Variants in CCM2 observed in about 807,000 individuals in gnomAD.
CCM2 encodes CCM2 scaffold protein.
CCM2 carries 25 observed loss-of-function variants against 44.9 expected under a neutral mutation model. That is an observed-to-expected ratio of 0.56 (90% CI 0.41 to 0.78). The LOEUF (loss-of-function observed/expected upper bound fraction) is 0.78, where lower values mean the gene tolerates loss of function less well. CCM2 is among the 30% of genes least tolerant of loss of function. The pLI is 0.00. For missense variants in CCM2, 481 were observed against 580.6 expected, an observed-to-expected ratio of 0.83 and a Z score of 1.76; for synonymous variants, 219 against 241.1, an observed-to-expected ratio of 0.91 and a Z score of 0.85.
chr7:45,071,891 T>C, intron 6 of CCM2: 1 of 456,542 alleles, frequency 2.2e-6, no homozygotes, highest in Non-Finnish European at 4.4e-6. Flanking sequence ...ATAAGCATCC[T>C]TTACTCCCCT....
At chr7:45,032,537 T>G (rs1797015963) in intron 1 of CCM2, among the ~76,000 whole-genome samples, 1 of 152,196 alleles carries the variant, frequency 6.6e-6, no homozygotes, top group Non-Finnish European at 1.5e-5. Flanking sequence ...CAGCATTGAT[T>G]GACTGTTTTT....
intron 1 of CCM2, among the ~76,000 whole-genome samples, chr7:45,011,352 A>C (rs1796060340): frequency 6.6e-6 from 1 of 151,796 alleles, no homozygotes; most frequent in African/African-American, 2.4e-5. Flanking sequence ...GCCCGCCACC[A>C]CACCCGGCTA....
intron 1 of CCM2, among the ~76,000 whole-genome samples, chr7:45,007,267 G>A (rs1439867458): frequency 6.6e-6 from 1 of 152,222 alleles, no homozygotes; most frequent in Admixed American, 6.5e-5. Context: ...ATCTGGGACA[G>A]GCTTTGTGCT....
At chr7:45,031,833 A>G (rs765440441) in intron 1 of CCM2, among the ~76,000 whole-genome samples, 10 of 152,004 alleles carry the variant, frequency 6.6e-5, no homozygotes, top group African/African-American at 2.4e-4. Context: ...TGGCCTCCCA[A>G]AGTGTTGGGA....
intron 1 of CCM2, among the ~76,000 whole-genome samples, chr7:45,012,130 CTTTTT>C (rs60568953): frequency 1.1e-5 from 1 of 94,090 alleles, no homozygotes; most frequent in Admixed American, 1.2e-4. Context: ...ATCATAATAT[CTTTTT>C]TTTTTTTTTT....
chr7:45,014,260 C>G (rs972969625), intron 1 of CCM2, among the ~76,000 whole-genome samples: 1 of 152,076 alleles, frequency 6.6e-6, no homozygotes, highest in Non-Finnish European at 1.5e-5. Context: ...CTGCCTCAGC[C>G]TCCCGAGCAG....
chr7:45,063,520 G>T (rs1012180774), intron 2 of CCM2, among the ~76,000 whole-genome samples: 1 of 152,196 alleles, frequency 6.6e-6, no homozygotes, highest in Non-Finnish European at 1.5e-5. Context: ...TTGCAATTGA[G>T]GAAGTTTATT....
intron 8 of CCM2, 85 bp from the exon 9 acceptor site, chr7:45,074,185 G>A: frequency 6.2e-7 from 1 of 1,601,774 alleles, no homozygotes; most frequent in Middle Eastern, 1.7e-4. Flanking sequence ...GCTCTGGCTG[G>A]GGTTAGTGGC....
In CCM2 at chr7:45,076,146, TTGG is replaced by T. The variant is rs1274000464; in HGVS notation, c.*96_*98del. The stretch of plus-strand genomic sequence containing the variant: ...GCTGCCCAGACCTGCGTGTCAGCCC[TTGG>T]TGGTGGCCAGGGAGAGGCGCCCGGT... On this transcript the variant is annotated 3_prime_UTR_variant, in exon 10 of 10. Coordinates refer to ENST00000258781, the MANE Select transcript of CCM2 (RefSeq NM_031443.4). 5 of 1,576,778 alleles carry T rather than the reference TTGG, an allele frequency of 3.2e-6. No homozygotes were observed. The highest frequency in any genetic ancestry group is 1.3e-5 in the African/African-American group (1 of 74,488).
chr7:45,073,472 A>G lies in CCM2; in HGVS notation c.816A>G (p.Glu272=), dbSNP rs1799186196. 4.3e-6 allele frequency: 7 copies of G among 1,613,444 alleles called. No homozygotes were observed. Among genetic ancestry groups the G allele is most frequent in the Non-Finnish European group, 5.1e-6 (6 of 1,179,864 alleles). ...CATTCTTTCGCAGCTGCTTCCCTGA[A>G]TCTGTGGATGTGGGTGGTGCATCAC... ...EVEASTFCFP[E]SVDVGGASPH... Residue 272 remains glutamate (E), a synonymous_variant, in exon 8 of 10, where the codon GAA becomes GAG. Coordinates refer to ENST00000258781, the MANE Select transcript of CCM2 (RefSeq NM_031443.4).
At chr7:45,066,106 A>T (rs1227907275) in intron 4 of CCM2, among the ~76,000 whole-genome samples, 1 of 152,072 alleles carries the variant, frequency 6.6e-6, no homozygotes, top group Non-Finnish European at 1.5e-5. Flanking sequence ...TTTTTAATGG[A>T]GAGAGAATGA....
At chr7:45,073,209 C>A in intron 7 of CCM2, 1 of 590,908 alleles carries the variant, frequency 1.7e-6, no homozygotes, top group Non-Finnish European at 3.0e-6. Context: ...CTGCCCACTG[C>A]CTTGACCTGT....
In CCM2 at chr7:45,030,985, A is replaced by C. The variant is rs143174763; in HGVS notation, c.31-7268A>C. Among the ~76,000 whole-genome samples the C allele has an allele frequency of 5.8e-3, 875 of 152,112 alleles. 12 individuals are homozygous for C. Among genetic ancestry groups the C allele is most frequent in the African/African-American group, 0.02 (849 of 41,508 alleles). On this transcript the variant is annotated intron_variant, in intron 1 of 9. Transcript: ENST00000258781. The stretch of plus-strand genomic sequence containing the variant: ...GTGATCCACCTGCCTTAGCCTCCCA[A>C]AGTGGTGTGATTACAGGCGTGAGTC...
intron 1 of CCM2, among the ~76,000 whole-genome samples, chr7:45,009,030 C>T (rs1364797672): frequency 1.3e-5 from 2 of 152,042 alleles, no homozygotes; most frequent in East Asian, 1.9e-4. Context: ...GGGACAGGCA[C>T]GGTGCTCACG....
At chr7:45,058,522 A>G (rs1209798610) in intron 2 of CCM2, among the ~76,000 whole-genome samples, 2 of 123,924 alleles carry the variant, frequency 1.6e-5, no homozygotes, top group Admixed American at 2.2e-4. Flanking sequence ...TCCTGTGTCC[A>G]TGTGTTGTCA....
At chr7:45,064,955 C>T (rs1451636256) in intron 4 of CCM2, among the ~76,000 whole-genome samples, 1 of 152,042 alleles carries the variant, frequency 6.6e-6, no homozygotes, top group African/African-American at 2.4e-5. Flanking sequence ...GTGGAGTTGC[C>T]CCTCTGCCCA....
intron 1 of CCM2, among the ~76,000 whole-genome samples, chr7:45,021,583 A>G (rs1406180786): frequency 6.6e-6 from 1 of 151,696 alleles, no homozygotes; most frequent in Non-Finnish European, 1.5e-5. Context: ...AAATAAAATA[A>G]AATAAATAAT....
At chr7:45,035,670 G>A (rs1797181366) in intron 1 of CCM2, among the ~76,000 whole-genome samples, 1 of 152,156 alleles carries the variant, frequency 6.6e-6, no homozygotes. Flanking sequence ...AGTGAGAGAG[G>A]AAGCATTTTA....
At chr7:45,073,181 T>C in intron 7 of CCM2, 1 of 575,624 alleles carries the variant, frequency 1.7e-6, no homozygotes, top group Non-Finnish European at 3.1e-6. Flanking sequence ...CCCTGGCTCC[T>C]TCCCCTGCCC....
Sources: allele counts gnomAD v4.1 joint callset (sites outside exome capture counted in the v4.1 genomes callset), GRCh38; gene constraint gnomAD v4.1.1; transcripts MANE v1.5; gene names NCBI Gene and HGNC (gene_info 2026-07-23, HGNC 2026-07-21).